The following CALN1 variants were observed in gnomAD, a reference collection of about 807,000 sequenced individuals.
CALN1 encodes the protein calneuron 1.
CALN1 carries 17 observed loss-of-function variants against 30.6 expected under a neutral mutation model. That is an observed-to-expected ratio of 0.56 (90% CI 0.38 to 0.83). CALN1 has a LOEUF of 0.83. Ranked by LOEUF, CALN1 falls within the 40% of genes least tolerant of loss-of-function variation. CALN1 has a pLI of 0.00. For synonymous variants in CALN1, 156 were observed against 131.4 expected (o/e 1.19, Z -1.28); for missense variants, 291 against 354.9 (o/e 0.82, Z 1.45).
chr7:72,377,275 T>TTG (rs1491564865), intron 2 of CALN1, among the ~76,000 whole-genome samples: 1 of 152,176 alleles, frequency 6.6e-6, no homozygotes, highest in African/African-American at 2.4e-5. Context: ...TTGGGGACTC[T>TTG]TGTCTTTAGC....
At chr7:71,914,920 T>C (rs766609928) in intron 5 of CALN1, among the ~76,000 whole-genome samples, 1 of 152,154 alleles carries the variant, frequency 6.6e-6, no homozygotes, top group African/African-American at 2.4e-5. Context: ...ATATCCAGTA[T>C]ATATAAGGAA....
chr7:71,989,391 G>C lies in CALN1; in HGVS notation c.501+34266C>G, dbSNP rs533827864. On this transcript the variant is annotated intron_variant, in intron 5 of 6. Transcript: ENST00000395275. Reference sequence around the variant, plus strand: ...AGGCGGAGGTTTGCAGTGAGCAGAGGTCGCATCACTGTACTCCAGCCTGGG... The same window carrying C: ...AGGCGGAGGTTTGCAGTGAGCAGAGCTCGCATCACTGTACTCCAGCCTGGG... Among the ~76,000 whole-genome samples, 12 of 151,730 alleles carry C rather than the reference G, an allele frequency of 7.9e-5. No homozygotes were observed. In the South Asian group the frequency reaches 2.3e-3, roughly 29 times the overall value.
intron 3 of CALN1, among the ~76,000 whole-genome samples, chr7:72,148,086 T>C (rs1179088998): frequency 4.7e-5 from 5 of 106,992 alleles, no homozygotes; most frequent in Middle Eastern, 5.2e-3. Context: ...GAACTTAAAG[T>C]ATAATAAAAA....
chr7:71,810,011 C>T (rs537373756), intron 6 of CALN1, among the ~76,000 whole-genome samples: 7 of 152,180 alleles, frequency 4.6e-5, no homozygotes, highest in African/African-American at 1.7e-4. Context: ...AGGCTCTTTG[C>T]ACCGCCCCAT....
the CALN1 span, among the ~76,000 whole-genome samples, chr7:72,497,077 G>A: frequency 6.6e-6 from 1 of 152,112 alleles, no homozygotes; most frequent in Non-Finnish European, 1.5e-5. Flanking sequence ...TGAGCCCAGA[G>A]GAAAGGAATA....
At chr7:72,286,813 A>T (rs189656030) in intron 2 of CALN1, among the ~76,000 whole-genome samples, 37 of 152,332 alleles carry the variant, frequency 2.4e-4, no homozygotes, top group Admixed American at 1.6e-3. Context: ...TTTCAAGAAG[A>T]AGTACAGCAA....
intron 3 of CALN1, among the ~76,000 whole-genome samples, chr7:72,195,754 A>T (rs549783158): frequency 5.9e-4 from 89 of 150,934 alleles, no homozygotes; most frequent in African/African-American, 1.9e-3. Flanking sequence ...TTCTAAATAA[A>T]TGTTTGGTGA....
chr7:72,320,603 G>A (rs568639126), intron 2 of CALN1, among the ~76,000 whole-genome samples: 1 of 152,102 alleles, frequency 6.6e-6, no homozygotes, highest in South Asian at 2.1e-4. Flanking sequence ...GGGAGGCCGC[G>A]GTGGTCGGAT....
At chr7:72,097,707 T>C (rs1159615914) in intron 4 of CALN1, among the ~76,000 whole-genome samples, 1 of 152,000 alleles carries the variant, frequency 6.6e-6, no homozygotes, top group African/African-American at 2.4e-5. Flanking sequence ...TGACTATTTT[T>C]TTTTCTTTTA....
At chr7:72,421,786 C>T (rs904642754) in intron 1 of CALN1, among the ~76,000 whole-genome samples, 1 of 151,822 alleles carries the variant, frequency 6.6e-6, no homozygotes, top group African/African-American at 2.4e-5. Context: ...GACAGGGTTT[C>T]ACCATGTTGG....
upstream of CALN1, among the ~76,000 whole-genome samples, chr7:72,450,396 A>C (rs1808635852): frequency 6.6e-6 from 1 of 152,112 alleles, no homozygotes; most frequent in South Asian, 2.1e-4. Flanking sequence ...TCACAATCCC[A>C]GAGCCCCCCG....
At chr7:72,235,679 C>T (rs1280748824) in intron 3 of CALN1, among the ~76,000 whole-genome samples, 10 of 150,664 alleles carry the variant, frequency 6.6e-5, no homozygotes, top group South Asian at 2.1e-4. Context: ...CCCCCACCCC[C>T]GCCCCCCTAA....
At chr7:72,258,319 G>A (rs1796051650) in intron 3 of CALN1, among the ~76,000 whole-genome samples, 1 of 152,118 alleles carries the variant, frequency 6.6e-6, no homozygotes, top group African/African-American at 2.4e-5. Flanking sequence ...TTTAGCAGAG[G>A]AAACTACAGC....
intron 5 of CALN1, among the ~76,000 whole-genome samples, chr7:71,924,193 C>CAA (rs200454649): frequency 1.4e-4 from 11 of 76,848 alleles, no homozygotes; most frequent in Admixed American, 4.6e-4. Flanking sequence ...AACTCAGTCT[C>CAA]AAAAAAAAAA....
intron 5 of CALN1, among the ~76,000 whole-genome samples, chr7:71,938,752 G>A (rs888613916): frequency 3.9e-5 from 6 of 152,026 alleles, no homozygotes; most frequent in African/African-American, 7.2e-5. Flanking sequence ...CCGAGATGGC[G>A]CCACTCCAGC....
At chr7:72,157,221 C>T (rs1787760106) in intron 3 of CALN1, among the ~76,000 whole-genome samples, 1 of 152,168 alleles carries the variant, frequency 6.6e-6, no homozygotes, top group Non-Finnish European at 1.5e-5. Context: ...GAATGCGTTG[C>T]ATGCCAAGTA....
intron 2 of CALN1, among the ~76,000 whole-genome samples, chr7:72,279,666 TG>T: frequency 6.6e-6 from 1 of 152,026 alleles, no homozygotes; most frequent in Admixed American, 6.5e-5. Context: ...GCAAAGACAA[TG>T]GAAGAGAATG....
chr7:71,866,113 C>T (rs191360501), intron 5 of CALN1, among the ~76,000 whole-genome samples: 10 of 152,118 alleles, frequency 6.6e-5, no homozygotes, highest in African/African-American at 2.4e-4. Flanking sequence ...TCATGCCATT[C>T]TCCTGCCTCA....
intron 5 of CALN1, among the ~76,000 whole-genome samples, chr7:71,823,186 C>T (rs28448269): frequency 1.4e-5 from 2 of 141,746 alleles, no homozygotes; most frequent in African/African-American, 5.6e-5. Context: ...GTCTCTCTCT[C>T]TTTTTTTTTT....
Sources: gnomAD v4.1 joint callset for allele counts (sites outside exome capture counted in the v4.1 genomes callset) on GRCh38, gnomAD v4.1.1 for gene constraint, MANE v1.5 for transcripts, NCBI Gene and HGNC (gene_info 2026-07-23, HGNC 2026-07-21) for gene names.